Variants in ZNF333 observed in about 807,000 individuals in gnomAD.
ZNF333 encodes zinc finger protein 333.
Under a neutral mutation model 76.1 loss-of-function variants are expected in ZNF333, and 61 were observed. The ratio of observed to expected loss-of-function variants is 0.80; its 90% CI spans 0.65 to 0.99. ZNF333 has a LOEUF of 0.99. ZNF333 is among the 50% of genes least tolerant of loss of function. The pLI, the probability that ZNF333 is intolerant of heterozygous loss-of-function variation, is 0.00. For missense variants in ZNF333, 717 were observed against 822.4 expected (o/e 0.87, Z 1.57); for synonymous variants, 284 against 305.0 (o/e 0.93, Z 0.72).
chr19:14,707,081 A>AAATGGCCTG, intron 7 of ZNF333: 1 of 298,240 alleles, frequency 3.4e-6, no homozygotes, highest in South Asian at 5.2e-5. Flanking sequence ...AATTTACTAG[A>AAATGGCCTG]AATGGCCTGT....
rs56066058 is a variant in ZNF333, at chr19:14,721,280, C to CTTTTTTTTTTTT, written c.*1969_*1980dup. ...GGACTAGTCTCCATTTTTACTTGTT[C>CTTTTTTTTTTTT]TTTTTTTTTTTTTTTTTTTTTTTTT... On this transcript the variant is annotated 3_prime_UTR_variant, in exon 12 of 12. Coordinates refer to ENST00000292530, the MANE Select transcript of ZNF333 (RefSeq NM_032433.4). The CTTTTTTTTTTTT allele has an allele frequency of 6.0e-4, 53 of 87,854 alleles. No individual in the cohort carries two copies. Among genetic ancestry groups the CTTTTTTTTTTTT allele is most frequent in the South Asian group, 1.3e-3 (3 of 2,298 alleles). 5.4% of individuals were successfully genotyped at this position (87,854 alleles called of 1,614,324 possible). A position where few individuals can be genotyped will look rare whatever the true frequency, so the allele number is the denominator to read the frequency against.
chr19:14,691,292 G>A (rs757832809), intron 1 of ZNF333, among the ~76,000 whole-genome samples: 1 of 152,114 alleles, frequency 6.6e-6, no homozygotes, highest in Non-Finnish European at 1.5e-5. Flanking sequence ...ATCTTTTCAA[G>A]TTGGCTCCAG....
chr19:14,695,145 G>A lies in ZNF333; in HGVS notation c.127+12G>A, dbSNP rs116758484. On this transcript the variant is annotated intron_variant, in intron 3 of 11. Transcript: ENST00000292530. ...CCTGGCCTCCAGGGGTAAGGCTGGC[G>A]TCACCTGGCTCCTTCCTGTACGCAG... The A allele has an allele frequency of 1.7e-3, 2,700 of 1,611,998 alleles. 15 individuals are homozygous for A. The African/African-American group carries it at 0.022, about 13-fold the overall frequency.
At chr19:14,701,444 T>G in intron 5 of ZNF333, 1 of 388,968 alleles carries the variant, frequency 2.6e-6, no homozygotes. Flanking sequence ...TCTTGCTGTG[T>G]TGTGCAGGCT....
At chr19:14,707,573 A>G (rs2042149651) in intron 7 of ZNF333, among the ~76,000 whole-genome samples, 1 of 113,052 alleles carries the variant, frequency 8.8e-6, no homozygotes, top group African/African-American at 3.6e-5. Context: ...TTTTTTTGAG[A>G]CGGAGTCTCA....
intron 5 of ZNF333, among the ~76,000 whole-genome samples, chr19:14,703,219 A>AT (rs1198409670): frequency 2.0e-5 from 3 of 151,740 alleles, no homozygotes; most frequent in Non-Finnish European, 4.4e-5. Context: ...AAAAAAAAAA[A>AT]AAACCATCAG....
exon 12 of ZNF333, chr19:14,731,858 T>C (rs2042674049): frequency 6.6e-6 from 1 of 152,184 alleles, no homozygotes; most frequent in African/African-American, 2.4e-5. Flanking sequence ...ATGGACTTAA[T>C]AAATTTAAAA....
rs751245034 is a variant in ZNF333, at chr19:14,715,387, C to T, written c.517C>T (p.Pro173Ser). ...CCTCTTCCCTTCTCCCCTAGCTGTG[C>T]CTGCACGTGACCCTGCCTGGCTTCA... Reference protein sequence around the residue: ...NPWVARDSAVPARDPAWLQED... With the variant: ...NPWVARDSAVSARDPAWLQED... Residue 173 changes from proline (P) to serine (S), a missense_variant, in exon 8 of 12, where the codon CCT becomes TCT. Coordinates refer to ENST00000292530, the MANE Select transcript of ZNF333 (RefSeq NM_032433.4). 2 of 1,613,690 alleles carry T rather than the reference C, an allele frequency of 1.2e-6. No individual in the cohort carries two copies. Among genetic ancestry groups the T allele is most frequent in the African/African-American group, 1.3e-5 (1 of 74,902 alleles).
intron 10 of ZNF333, 83 bp from the exon 11 acceptor site, chr19:14,717,574 T>C (rs926384487): frequency 1.2e-5 from 15 of 1,216,976 alleles, no homozygotes; most frequent in Non-Finnish European, 1.7e-5. Context: ...AGTCCACATG[T>C]GCCTTGCCTA....
At position 14,718,729 on chromosome 19, in the gene ZNF333, C is replaced by G. The variant is rs757096009; in HGVS notation, c.1402C>G (p.His468Asp). 4.3e-6 allele frequency: 7 copies of G among 1,613,950 alleles called. No homozygotes were observed. Among genetic ancestry groups the G allele is most frequent in the Non-Finnish European group, 5.1e-6 (6 of 1,180,034 alleles). The change falls in exon 12 of 12, where the codon CAC becomes GAC. Residue 468 changes from histidine (H) to aspartate (D), a missense_variant. By Grantham distance (81) the His-to-Asp change is moderately conservative. Coordinates refer to ENST00000292530, the MANE Select transcript of ZNF333 (RefSeq NM_032433.4). ...CAATCAGCCATCATCCCTCAGGAGC[C>G]ACGTGAGAACTCACACTGGAGAGAA... is the stretch of plus-strand genomic sequence containing the variant. ...AFNQPSSLRS[H>D]VRTHTGEKPF...
At chr19:14,711,782 T>C (rs1051173565) in intron 7 of ZNF333, among the ~76,000 whole-genome samples, 1 of 152,140 alleles carries the variant, frequency 6.6e-6, no homozygotes. Flanking sequence ...GACAGGATGG[T>C]GAAAGGCACC....
Position 14,718,356 on chromosome 19 carries a change from T to C in ZNF333, c.1029T>C (p.Ile343=). The stretch of plus-strand genomic sequence containing the variant: ...AGGCATCCTGTGAATGTCAAGAGAT[T>C]AGAAATTCCTTCTTCCAGAGTGCCC... The part of the protein sequence containing the change: ...AGEASCECQE[I]RNSFFQSAHL... The change falls in exon 12 of 12, where the codon ATT becomes ATC. Residue 343 remains isoleucine (I), a synonymous_variant. Coordinates refer to ENST00000292530, the MANE Select transcript of ZNF333 (RefSeq NM_032433.4). The C allele has an allele frequency of 1.2e-6, 2 of 1,614,212 alleles. No individual in the cohort carries two copies. Among genetic ancestry groups the C allele is most frequent in the Non-Finnish European group, 1.7e-6 (2 of 1,180,036 alleles).
chr19:14,709,259 T>A, intron 7 of ZNF333: 1 of 152,248 alleles, frequency 6.6e-6, no homozygotes, highest in Non-Finnish European at 1.5e-5. Flanking sequence ...AATTCCCCAG[T>A]CTCAGGTAGT....
At chr19:14,733,063 C>G (rs1418168999) in exon 12 of ZNF333, 1 of 152,252 alleles carries the variant, frequency 6.6e-6, no homozygotes, top group Non-Finnish European at 1.5e-5. Context: ...GCAGCTGACT[C>G]TGATATTCCC....
chr19:14,702,846 A>T (rs1397718118), intron 5 of ZNF333, among the ~76,000 whole-genome samples: 1 of 152,176 alleles, frequency 6.6e-6, no homozygotes, highest in Non-Finnish European at 1.5e-5. Context: ...GGACGCAAAC[A>T]CATCCTTCAC....
At chr19:14,709,329 T>A (rs1014125668) in intron 7 of ZNF333, 1 of 152,256 alleles carries the variant, frequency 6.6e-6, no homozygotes, top group African/African-American at 2.4e-5. Context: ...CATATTGGGC[T>A]AGGGCCCGCC....
In ZNF333 at chr19:14,720,551, C is replaced by T. The variant is rs1184184953; in HGVS notation, c.*1226C>T. On this transcript the variant is annotated 3_prime_UTR_variant, in exon 12 of 12. Coordinates refer to ENST00000292530, the MANE Select transcript of ZNF333 (RefSeq NM_032433.4). ...TGCAGCAGCCCTGGACTATTTATTT[C>T]TGGATGTCCCATACATGAAAAATAT... The T allele has an allele frequency of 8.1e-6, 8 of 985,428 alleles. No homozygotes were observed. The highest frequency in any genetic ancestry group is 9.6e-6 in the Non-Finnish European group (8 of 829,914). 61.0% of individuals were successfully genotyped at this position (985,428 alleles called of 1,614,324 possible).
At chr19:14,711,752 G>C (rs934047366) in intron 7 of ZNF333, among the ~76,000 whole-genome samples, 2 of 152,154 alleles carry the variant, frequency 1.3e-5, no homozygotes, top group Admixed American at 6.5e-5. Context: ...GAGCATTTTT[G>C]TGCCAAGTAA....
At chr19:14,709,683 AAG>A (rs1429875291) in intron 7 of ZNF333, among the ~76,000 whole-genome samples, 1 of 152,224 alleles carries the variant, frequency 6.6e-6, no homozygotes, top group Non-Finnish European at 1.5e-5. Context: ...CAAGAAGAGG[AAG>A]AGACACCAGA....
Sources: allele counts gnomAD v4.1 joint callset (sites outside exome capture counted in the v4.1 genomes callset), GRCh38; gene constraint gnomAD v4.1.1; transcripts MANE v1.5; gene names NCBI Gene and HGNC (gene_info 2026-07-23, HGNC 2026-07-21).